The following ATG5 variants were observed in gnomAD, a reference collection of about 807,000 sequenced individuals.
ATG5 encodes the protein autophagy protein 5.
A neutral mutation model predicts 36.5 loss-of-function variants in ATG5; 14 were observed. The ratio of observed to expected loss-of-function variants is 0.38; its 90% CI spans 0.25 to 0.60. ATG5 has a LOEUF of 0.60. Ranked by LOEUF, ATG5 falls within the 20% of genes least tolerant of loss-of-function variation. ATG5 has a pLI of 0.60. For synonymous variants in ATG5, 95 were observed against 101.5 expected (o/e 0.94, Z 0.38); for missense variants, 195 against 326.7 (o/e 0.60, Z 3.11).
intron 7 of ATG5, among the ~76,000 whole-genome samples, 187 bp from the exon 8 acceptor site, chr6:106,186,863 G>A (rs1024911920): frequency 1.3e-5 from 2 of 152,144 alleles, no homozygotes; most frequent in African/African-American, 4.8e-5. Flanking sequence ...AGAAACCTGA[G>A]GGTTACAATA....
At chr6:106,235,556 T>C (rs1437839712) in intron 6 of ATG5, among the ~76,000 whole-genome samples, 1 of 152,112 alleles carries the variant, frequency 6.6e-6, no homozygotes, top group Admixed American at 6.5e-5. Flanking sequence ...GGTGACCACA[T>C]CCACCTTTAA....
intron 6 of ATG5, among the ~76,000 whole-genome samples, chr6:106,211,609 C>G (rs1582555224): frequency 6.6e-6 from 1 of 152,134 alleles, no homozygotes; most frequent in Non-Finnish European, 1.5e-5. Flanking sequence ...ACTCAGGAGG[C>G]TGAGGCAGGA....
At chr6:106,263,998 T>C (rs1393657502) in intron 5 of ATG5, among the ~76,000 whole-genome samples, 1 of 151,848 alleles carries the variant, frequency 6.6e-6, no homozygotes, top group Non-Finnish European at 1.5e-5. Context: ...ATGAAGTTGA[T>C]GAATTGACAG....
chr6:106,195,682 A>G (rs866876996), intron 7 of ATG5, among the ~76,000 whole-genome samples: 2 of 152,116 alleles, frequency 1.3e-5, no homozygotes, highest in Admixed American at 6.5e-5. Flanking sequence ...AGTCAAGAGA[A>G]GCATTTGACA....
At chr6:106,318,694 TTGCAAAACAAACAAACTC>T (rs1421246688) in intron 1 of ATG5, among the ~76,000 whole-genome samples, 1 of 152,168 alleles carries the variant, frequency 6.6e-6, no homozygotes, top group Non-Finnish European at 1.5e-5. Flanking sequence ...GATACAAATG[TTGCAAAACAAACAAACTC>T]TGCAAAACAG....
chr6:106,209,731 G>A (rs1380386211), intron 6 of ATG5, among the ~76,000 whole-genome samples: 3 of 152,176 alleles, frequency 2.0e-5, no homozygotes, highest in Admixed American at 6.5e-5. Context: ...TCCTGGTTGT[G>A]ATACTGTACT....
chr6:106,201,480 C>T (rs892324516), intron 7 of ATG5, among the ~76,000 whole-genome samples: 2 of 152,018 alleles, frequency 1.3e-5, no homozygotes, highest in Non-Finnish European at 2.9e-5. Flanking sequence ...CGCCATGAAA[C>T]AGGTCAAGTT....
chr6:106,321,362 CTTT>C (rs1212329735), intron 1 of ATG5, among the ~76,000 whole-genome samples: 2 of 140,384 alleles, frequency 1.4e-5, no homozygotes, highest in African/African-American at 2.6e-5. Flanking sequence ...TGGGTCAACT[CTTT>C]TTTTTTTTTT....
chr6:106,285,986 A>G (rs966907866), intron 4 of ATG5, among the ~76,000 whole-genome samples: 2 of 151,248 alleles, frequency 1.3e-5, no homozygotes, highest in Non-Finnish European at 2.9e-5. Context: ...ATGTCTCTCC[A>G]CTTTGAATGA....
chr6:106,224,889 C>T (rs1031905201), intron 6 of ATG5, among the ~76,000 whole-genome samples: 2 of 151,948 alleles, frequency 1.3e-5, no homozygotes, highest in Non-Finnish European at 2.9e-5. Context: ...TCTCAAAAAA[C>T]AAACAAACAA....
chr6:106,249,584 T>A (rs1165601342), intron 5 of ATG5, among the ~76,000 whole-genome samples: 1 of 152,346 alleles, frequency 6.6e-6, no homozygotes, highest in South Asian at 2.1e-4. Context: ...TGGACATATG[T>A]TTTCAGTTCT....
rs1554218336 is a variant in ATG5, at chr6:106,243,530, G to GA, written c.573+4619dup. Among the ~76,000 whole-genome samples the GA allele has an allele frequency of 3.1e-3, 411 of 133,334 alleles. 2 individuals carry two copies. The highest frequency in any genetic ancestry group is 8.5e-3 in the Middle Eastern group (2 of 236). The allele number at this position is 133,334 out of a possible 152,430, so 87.5% of individuals were successfully genotyped here. A position where few individuals can be genotyped will look rare whatever the true frequency, so the allele number is the denominator to read the frequency against. On this transcript the variant is annotated intron_variant, in intron 6 of 7. Coordinates refer to ENST00000369076, the MANE Select transcript of ATG5 (RefSeq NM_004849.4). ...GTGACAGAGCAAGACCCTCTCTGGG[G>GA]AAAAAAAAAAAAAAAATAGGCTGGG... is the stretch of plus-strand genomic sequence containing the variant.
At chr6:106,192,968 G>A (rs1464694833) in intron 7 of ATG5, among the ~76,000 whole-genome samples, 1 of 152,184 alleles carries the variant, frequency 6.6e-6, no homozygotes, top group Non-Finnish European at 1.5e-5. Context: ...CTCAGCCACG[G>A]AGGTAATAGT....
chr6:106,241,973 T>C (rs868791803), intron 6 of ATG5, among the ~76,000 whole-genome samples: 21 of 152,050 alleles, frequency 1.4e-4, no homozygotes, highest in African/African-American at 4.8e-5. Context: ...CTCTGGAGAA[T>C]GCTAATACAC....
intron 1 of ATG5, among the ~76,000 whole-genome samples, chr6:106,322,429 T>C (rs911474097): frequency 1.3e-5 from 2 of 152,200 alleles, no homozygotes; most frequent in Admixed American, 6.5e-5. Context: ...TGCTGGCTGG[T>C]CTTCCTTTAA....
intron 7 of ATG5, among the ~76,000 whole-genome samples, chr6:106,191,860 A>C (rs886819849): frequency 1.7e-4 from 26 of 152,242 alleles, no homozygotes; most frequent in Non-Finnish European, 3.1e-4. Context: ...GAATAAGTTC[A>C]TTTTTTTAGT....
At position 106,192,612 on chromosome 6, in the gene ATG5, TTAAA is replaced by T. The variant is rs556002062; in HGVS notation, c.692-5940_692-5937del. Among the ~76,000 whole-genome samples, 16 of 152,314 alleles carry T rather than the reference TTAAA, an allele frequency of 1.1e-4. No homozygotes were observed. The East Asian group carries it at 2.7e-3, about 26-fold the overall frequency. On this transcript the variant is annotated intron_variant, in intron 7 of 7. Coordinates refer to ENST00000369076, the MANE Select transcript of ATG5 (RefSeq NM_004849.4). The stretch of plus-strand genomic sequence containing the variant: ...AATTAATTTTTTAAAAGCTCATACT[TTAAA>T]TATGGAGTAGAAGTCTAAGATCAAA...
intron 2 of ATG5, among the ~76,000 whole-genome samples, chr6:106,312,245 AAG>A (rs954681830): frequency 6.6e-6 from 1 of 152,184 alleles, no homozygotes; most frequent in Non-Finnish European, 1.5e-5. Flanking sequence ...TATCTGGGAT[AAG>A]AGAGAAGGAA....
intron 5 of ATG5, among the ~76,000 whole-genome samples, chr6:106,275,803 G>A (rs1490065038): frequency 6.6e-6 from 1 of 152,180 alleles, no homozygotes; most frequent in East Asian, 1.9e-4. Context: ...GCTGTAGCTT[G>A]GTTAACCAAC....
Sources: gnomAD v4.1 joint callset for allele counts (sites outside exome capture counted in the v4.1 genomes callset) on GRCh38, gnomAD v4.1.1 for gene constraint, MANE v1.5 for transcripts, NCBI Gene and HGNC (gene_info 2026-07-23, HGNC 2026-07-21) for gene names.